Variants in MYT1L observed in about 807,000 individuals in gnomAD.
The protein encoded by MYT1L is myelin transcription factor 1 like, also known as myelin transcription factor 1-like protein.
MYT1L carries 12 observed loss-of-function variants against 126.7 expected under a neutral mutation model. That is an observed-to-expected ratio of 0.09 (90% CI 0.06 to 0.15). The LOEUF (loss-of-function observed/expected upper bound fraction) is 0.15, where lower values mean the gene tolerates loss of function less well. MYT1L is among the 10% of genes least tolerant of loss of function. The pLI, the probability that MYT1L is intolerant of heterozygous loss-of-function variation, is 1.00. For missense variants in MYT1L, 979 were observed against 1,585.2 expected (o/e 0.62, Z 6.49); for synonymous variants, 541 against 604.2 (o/e 0.90, Z 1.53).
At chr2:2,005,263 C>CGTTCTTTCCTGCATGT (rs2063120139) in intron 4 of MYT1L, among the ~76,000 whole-genome samples, 1 of 129,058 alleles carries the variant, frequency 7.7e-6, no homozygotes, top group Non-Finnish European at 1.7e-5. Flanking sequence ...TTCCTGCATA[C>CGTTCTTTCCTGCATGT]GTTCTTTCCT....
intron 2 of MYT1L, among the ~76,000 whole-genome samples, chr2:2,248,958 T>C (rs1308453484): frequency 6.6e-6 from 1 of 152,056 alleles, no homozygotes; most frequent in Non-Finnish European, 1.5e-5. Flanking sequence ...GATCTGAACA[T>C]GACAAAGATG....
intron 3 of MYT1L, among the ~76,000 whole-genome samples, chr2:2,084,643 G>A (rs1218732100): frequency 6.6e-6 from 1 of 152,162 alleles, no homozygotes; most frequent in Non-Finnish European, 1.5e-5. Flanking sequence ...AGAGAACTGA[G>A]GTCCCAAGTG....
intron 18 of MYT1L, among the ~76,000 whole-genome samples, chr2:1,858,127 G>C (rs12714317): frequency 6.6e-6 from 1 of 152,224 alleles, no homozygotes; most frequent in Admixed American, 6.5e-5. Flanking sequence ...GCCTCCCAAA[G>C]TGCTGGGATT....
intron 4 of MYT1L, among the ~76,000 whole-genome samples, chr2:2,010,799 G>A (rs1365448248): frequency 1.3e-5 from 2 of 152,178 alleles, no homozygotes; most frequent in Non-Finnish European, 2.9e-5. Context: ...AAGACAGAGT[G>A]GTGCCACATA....
At chr2:2,271,465 G>T (rs1573015038) in intron 2 of MYT1L, among the ~76,000 whole-genome samples, 1 of 152,202 alleles carries the variant, frequency 6.6e-6, no homozygotes, top group Non-Finnish European at 1.5e-5. Context: ...AGGTCAGTTT[G>T]TCTTTAAATG....
At chr2:1,893,026 G>A (rs1382851864) in intron 14 of MYT1L, among the ~76,000 whole-genome samples, 1 of 152,112 alleles carries the variant, frequency 6.6e-6, no homozygotes, top group Non-Finnish European at 1.5e-5. Context: ...GCAGACACGC[G>A]GGGCACGTGT....
At chr2:2,206,616 G>C (rs1050727917) in intron 2 of MYT1L, among the ~76,000 whole-genome samples, 6 of 152,162 alleles carry the variant, frequency 3.9e-5, no homozygotes, top group Admixed American at 3.9e-4. Context: ...ACATGGAAAT[G>C]CATAAGAGAA....
intron 8 of MYT1L, among the ~76,000 whole-genome samples, chr2:1,944,166 A>G (rs536681410): frequency 5.9e-5 from 9 of 152,152 alleles, no homozygotes; most frequent in African/African-American, 2.2e-4. Context: ...GGTTTGTTAC[A>G]TATGTATATG....
chr2:2,146,106 A>C (rs1413767301), intron 3 of MYT1L, among the ~76,000 whole-genome samples: 3 of 152,250 alleles, frequency 2.0e-5, no homozygotes, highest in Non-Finnish European at 4.4e-5. Context: ...TGCAAGTTGC[A>C]CAGAAGTACA....
intron 3 of MYT1L, among the ~76,000 whole-genome samples, chr2:2,116,600 G>A (rs975852969): frequency 2.6e-5 from 4 of 152,216 alleles, no homozygotes; most frequent in Non-Finnish European, 5.9e-5. Flanking sequence ...ATCTCTGCCC[G>A]TCCTATGACT....
intron 4 of MYT1L, among the ~76,000 whole-genome samples, chr2:2,041,653 A>G (rs1290384567): frequency 6.6e-6 from 1 of 152,054 alleles, no homozygotes; most frequent in East Asian, 1.9e-4. Flanking sequence ...CCCCAGGAGG[A>G]CCTTTGCCTC....
In MYT1L at chr2:1,840,896, C is replaced by CTTTTTTTTTTT. The variant is rs1316416056; in HGVS notation, c.2775-54_2775-53insAAAAAAAAAAA. On this transcript the variant is annotated intron_variant, in intron 19 of 24. Coordinates refer to ENST00000647738, the MANE Select transcript of MYT1L (RefSeq NM_001303052.2). ...ACCCCACACCGTTGATTTCAGTGAG[C>CTTTTTTTTTTT]TTTCTTTCTTTTTTTTTTTTTTTTT... 8.3e-6 allele frequency: 8 copies of CTTTTTTTTTTT among 962,480 alleles called. No homozygotes were observed. In the African/African-American group the frequency reaches 1.4e-4, roughly 17 times the overall value. 59.6% of individuals were successfully genotyped at this position (962,480 alleles called of 1,614,324 possible).
intron 1 of MYT1L, among the ~76,000 whole-genome samples, chr2:2,292,294 C>G (rs1012073779): frequency 3.9e-5 from 6 of 152,184 alleles, no homozygotes; most frequent in Admixed American, 1.3e-4. Flanking sequence ...CTCAGGCCAG[C>G]CTGCGGCCTC....
intron 23 of MYT1L, among the ~76,000 whole-genome samples, chr2:1,792,998 G>A (rs1484473620): frequency 2.6e-5 from 4 of 151,932 alleles, no homozygotes; most frequent in East Asian, 1.9e-4. Flanking sequence ...TTCCCTGCGC[G>A]ATCCTGTTCT....
At chr2:1,876,394 G>C (rs2046914000) in intron 18 of MYT1L, among the ~76,000 whole-genome samples, 1 of 152,044 alleles carries the variant, frequency 6.6e-6, no homozygotes, top group Non-Finnish European at 1.5e-5. Context: ...AGGACTCCGA[G>C]TCCAGCCTGA....
intron 8 of MYT1L, among the ~76,000 whole-genome samples, chr2:1,951,366 G>A (rs1393876489): frequency 2.6e-5 from 4 of 152,162 alleles, no homozygotes; most frequent in Non-Finnish European, 5.9e-5. Context: ...AGATGAAGAG[G>A]TCAGGGGATG....
chr2:2,063,387 T>C (rs1368905675), intron 3 of MYT1L, among the ~76,000 whole-genome samples: 17 of 152,148 alleles, frequency 1.1e-4, no homozygotes, highest in Admixed American at 1.1e-3. Flanking sequence ...CAAGACAGCA[T>C]TAGAAAGCCT....
intron 1 of MYT1L, among the ~76,000 whole-genome samples, chr2:2,323,030 A>T (rs950088495): frequency 6.6e-6 from 1 of 152,208 alleles, no homozygotes. Flanking sequence ...TTGAAAAAAC[A>T]ATAGATAATT....
intron 3 of MYT1L, among the ~76,000 whole-genome samples, chr2:2,119,227 G>A (rs2080633021): frequency 6.6e-6 from 1 of 152,168 alleles, no homozygotes; most frequent in African/African-American, 2.4e-5. Context: ...AACCTGTTAG[G>A]CAATTTGCTA....
Sources: allele counts gnomAD v4.1 joint callset (sites outside exome capture counted in the v4.1 genomes callset), GRCh38; gene constraint gnomAD v4.1.1; transcripts MANE v1.5; gene names NCBI Gene and HGNC (gene_info 2026-07-23, HGNC 2026-07-21).